PTPRR: variants seen among roughly 807,000 people sequenced by gnomAD.
The protein encoded by PTPRR is receptor-type tyrosine-protein phosphatase R.
In PTPRR, 38 loss-of-function variants were observed where a neutral mutation model predicts 77.2. The observed-to-expected ratio is 0.49, with a 90% CI of 0.38 to 0.65. The LOEUF (loss-of-function observed/expected upper bound fraction) is 0.65, where lower values mean the gene tolerates loss of function less well. Among genes scored for constraint, PTPRR ranks in the 30% least tolerant of loss-of-function variants. The pLI, the probability that PTPRR is intolerant of heterozygous loss-of-function variation, is 0.00. For missense variants in PTPRR, 744 were observed against 799.2 expected (o/e 0.93, Z 0.83); for synonymous variants, 299 against 283.1 (o/e 1.06, Z -0.57).
chr12:70,824,988 A>G (rs1892084197), intron 2 of PTPRR, among the ~76,000 whole-genome samples: 1 of 152,210 alleles, frequency 6.6e-6, no homozygotes, highest in South Asian at 2.1e-4. Context: ...AAAGCTGAGT[A>G]GAAATCTTAA....
At chr12:70,868,920 A>C (rs912691251) in intron 2 of PTPRR, among the ~76,000 whole-genome samples, 2 of 151,610 alleles carry the variant, frequency 1.3e-5, no homozygotes, top group Non-Finnish European at 2.9e-5. Flanking sequence ...CATTCTCAGC[A>C]AACTATCACA....
chr12:70,755,365 A>C (rs1890535857), intron 4 of PTPRR, among the ~76,000 whole-genome samples: 1 of 152,176 alleles, frequency 6.6e-6, no homozygotes, highest in Non-Finnish European at 1.5e-5. Flanking sequence ...TGAACTTTGA[A>C]ATCATTGCTA....
At chr12:70,721,410 G>A (rs1433011723) in intron 6 of PTPRR, among the ~76,000 whole-genome samples, 3 of 152,094 alleles carry the variant, frequency 2.0e-5, no homozygotes, top group Non-Finnish European at 4.4e-5. Flanking sequence ...CCCTTTCCTC[G>A]GCTGATGGAA....
At chr12:70,800,232 C>T (rs1409901852) in intron 2 of PTPRR, among the ~76,000 whole-genome samples, 2 of 152,172 alleles carry the variant, frequency 1.3e-5, no homozygotes, top group South Asian at 2.1e-4. Flanking sequence ...ACCCTTTCCC[C>T]CCTACCCACT....
At position 70,809,954 on chromosome 12, in the gene PTPRR, C is replaced by T. The variant is rs545540515; in HGVS notation, c.358-45176G>A. ...AGGTGAGCTCAGAATGTTGCTGAGCCAGTTTCCACCTTATTTAGATGGACT... is the reference window on the plus strand; with the variant it reads ...AGGTGAGCTCAGAATGTTGCTGAGCTAGTTTCCACCTTATTTAGATGGACT... On this transcript the variant is annotated intron_variant, in intron 2 of 13. Transcript: ENST00000283228. Among the ~76,000 whole-genome samples, 4 of 152,258 alleles carry T rather than the reference C, an allele frequency of 2.6e-5. No individual in the cohort carries two copies. In the East Asian group the frequency reaches 5.8e-4, roughly 22 times the overall value.
chr12:70,759,679 T>TAAAAA (rs34011060), intron 4 of PTPRR, among the ~76,000 whole-genome samples: 19 of 34,426 alleles, frequency 5.5e-4, no homozygotes, highest in East Asian at 1.2e-3. Flanking sequence ...GACTCCGTCT[T>TAAAAA]AAAAAAAAAA....
At chr12:70,743,395 C>A (rs1454361830) in intron 6 of PTPRR, among the ~76,000 whole-genome samples, 2 of 152,094 alleles carry the variant, frequency 1.3e-5, no homozygotes, top group Non-Finnish European at 2.9e-5. Context: ...ACACTCTGTT[C>A]TTTTAAGACA....
chr12:70,739,057 T>A (rs1473212859), intron 6 of PTPRR, among the ~76,000 whole-genome samples: 2 of 152,230 alleles, frequency 1.3e-5, no homozygotes, highest in Admixed American at 1.3e-4. Context: ...ATAAATTACA[T>A]GTAACTGTAT....
intron 2 of PTPRR, among the ~76,000 whole-genome samples, chr12:70,790,952 C>T (rs1180972492): frequency 6.6e-6 from 1 of 152,136 alleles, no homozygotes; most frequent in Non-Finnish European, 1.5e-5. Flanking sequence ...CATTACCTAT[C>T]AACAATATTC....
At chr12:70,803,359 C>T (rs573556494) in intron 2 of PTPRR, among the ~76,000 whole-genome samples, 1 of 152,094 alleles carries the variant, frequency 6.6e-6, no homozygotes, top group Non-Finnish European at 1.5e-5. Flanking sequence ...AGGGCAATCA[C>T]CAAAAGAAGC....
intron 2 of PTPRR, among the ~76,000 whole-genome samples, chr12:70,765,697 T>C (rs1182783502): frequency 2.6e-5 from 4 of 152,246 alleles, no homozygotes; most frequent in South Asian, 2.1e-4. Context: ...TGAGAACGGG[T>C]AGACTGCCTC....
chr12:70,677,648 C>A (rs920517111), intron 10 of PTPRR, among the ~76,000 whole-genome samples: 1 of 152,050 alleles, frequency 6.6e-6, no homozygotes, highest in African/African-American at 2.4e-5. Context: ...TATTTTTCTT[C>A]GTCTATTGAA....
chr12:70,739,099 A>C (rs563600545), intron 6 of PTPRR, among the ~76,000 whole-genome samples: 3 of 152,332 alleles, frequency 2.0e-5, no homozygotes, highest in East Asian at 3.9e-4. Flanking sequence ...AACTATGTTA[A>C]TTGACAGTTA....
chr12:70,900,387 G>T (rs1893510867), intron 1 of PTPRR, among the ~76,000 whole-genome samples: 1 of 151,196 alleles, frequency 6.6e-6, no homozygotes, highest in Non-Finnish European at 1.5e-5. Flanking sequence ...ATGAATTAAA[G>T]ATTTCCATAT....
At chr12:70,671,094 A>G (rs1457233733) in intron 10 of PTPRR, among the ~76,000 whole-genome samples, 1 of 152,210 alleles carries the variant, frequency 6.6e-6, no homozygotes, top group Non-Finnish European at 1.5e-5. Context: ...TTTGGAGGAA[A>G]TGATTTTTGT....
At chr12:70,748,810 A>G (rs1228910122) in intron 5 of PTPRR, among the ~76,000 whole-genome samples, 1 of 152,188 alleles carries the variant, frequency 6.6e-6, no homozygotes, top group Non-Finnish European at 1.5e-5. Context: ...GTGTTTTACA[A>G]TTAGTTCTGA....
chr12:70,721,391 T>C (rs1387404106), intron 6 of PTPRR, among the ~76,000 whole-genome samples: 1 of 152,182 alleles, frequency 6.6e-6, no homozygotes, highest in African/African-American at 2.4e-5. Flanking sequence ...CCACCTCCCT[T>C]GGGCACAACC....
chr12:70,896,158 A>G (rs1232785672), intron 1 of PTPRR, among the ~76,000 whole-genome samples: 1 of 151,742 alleles, frequency 6.6e-6, no homozygotes, highest in Non-Finnish European at 1.5e-5. Context: ...TGATGGACAT[A>G]TGATGCAATG....
intron 6 of PTPRR, among the ~76,000 whole-genome samples, chr12:70,709,817 A>G (rs1360628501): frequency 1.3e-5 from 2 of 152,126 alleles, no homozygotes; most frequent in Admixed American, 6.6e-5. Flanking sequence ...GAACTGCAAA[A>G]CACTGCTCAA....
Sources: gnomAD v4.1 joint callset for allele counts (sites outside exome capture counted in the v4.1 genomes callset) on GRCh38, gnomAD v4.1.1 for gene constraint, MANE v1.5 for transcripts, NCBI Gene and HGNC (gene_info 2026-07-23, HGNC 2026-07-21) for gene names.